The following QTMAN variants were observed in gnomAD, a reference collection of about 807,000 sequenced individuals.
The protein encoded by QTMAN is tRNA-queuosine alpha-mannosyltransferase.
At chr2:143,947,705 C>T in the QTMAN span, among the ~76,000 whole-genome samples, 68 of 152,138 alleles carry the variant, frequency 4.5e-4, no homozygotes, top group Non-Finnish European at 9.4e-4. Context: ...AAGAAGATCA[C>T]CTAGAATCAG....
the QTMAN span, among the ~76,000 whole-genome samples, chr2:144,122,717 C>T: frequency 6.6e-6 from 1 of 152,288 alleles, no homozygotes; most frequent in African/African-American, 2.4e-5. Context: ...GCTGTAAATA[C>T]TTTACTAAGT....
At chr2:144,170,920 A>G in the QTMAN span, among the ~76,000 whole-genome samples, 5 of 151,982 alleles carry the variant, frequency 3.3e-5, no homozygotes, top group South Asian at 1.0e-3. Context: ...ACTTTCCTTA[A>G]CTTCATCTGT....
chr2:144,262,967 G>T, the QTMAN span, among the ~76,000 whole-genome samples: 2 of 99,042 alleles, frequency 2.0e-5, no homozygotes, highest in African/African-American at 7.8e-5. Flanking sequence ...GGGAGGAGAG[G>T]GGAAGGGAGG....
At chr2:144,297,576 T>TC in the QTMAN span, among the ~76,000 whole-genome samples, 73 of 147,158 alleles carry the variant, frequency 5.0e-4, no homozygotes, top group Non-Finnish European at 9.8e-4. Flanking sequence ...CAGGATTCCG[T>TC]CTTTTTTTTT....
the QTMAN span, among the ~76,000 whole-genome samples, chr2:144,123,786 C>T: frequency 6.6e-6 from 1 of 152,026 alleles, no homozygotes; most frequent in East Asian, 1.9e-4. Context: ...TAAAAGCAAG[C>T]TTATGGTTTC....
chr2:144,192,223 C>T, the QTMAN span, among the ~76,000 whole-genome samples: 3 of 152,022 alleles, frequency 2.0e-5, no homozygotes, highest in Non-Finnish European at 4.4e-5. Flanking sequence ...TCTCCTGCCT[C>T]AGCCTCCCAA....
the QTMAN span, among the ~76,000 whole-genome samples, chr2:144,274,104 A>T: frequency 6.6e-6 from 1 of 152,218 alleles, no homozygotes; most frequent in Non-Finnish European, 1.5e-5. Flanking sequence ...ACTACACTCC[A>T]GCCTGGCAAC....
the QTMAN span, among the ~76,000 whole-genome samples, chr2:144,319,305 A>G: frequency 6.6e-6 from 1 of 152,144 alleles, no homozygotes; most frequent in Non-Finnish European, 1.5e-5. Context: ...CCAGGCAAAC[A>G]CTTCCACATG....
At chr2:143,970,842 C>A in the QTMAN span, 1 of 769,590 alleles carries the variant, frequency 1.3e-6, no homozygotes, top group South Asian at 1.5e-5. Context: ...CCTACAGTAT[C>A]AATTTTTTTC....
chr2:144,190,458 C>A, the QTMAN span, among the ~76,000 whole-genome samples: 1 of 152,194 alleles, frequency 6.6e-6, no homozygotes, highest in Non-Finnish European at 1.5e-5. Flanking sequence ...AGAAAAATAA[C>A]TGGCTGTCAC....
the QTMAN span, among the ~76,000 whole-genome samples, chr2:144,239,303 A>C: frequency 6.6e-6 from 1 of 152,250 alleles, no homozygotes; most frequent in African/African-American, 2.4e-5. Context: ...AATGCTACAA[A>C]ACAAGTGTAT....
the QTMAN span, among the ~76,000 whole-genome samples, chr2:144,326,234 A>C: frequency 6.6e-6 from 1 of 152,342 alleles, no homozygotes; most frequent in South Asian, 2.1e-4. Flanking sequence ...TTTCTTCTTA[A>C]TTAAATGTCC....
At chr2:144,176,596 CAA>C in the QTMAN span, among the ~76,000 whole-genome samples, 6 of 151,836 alleles carry the variant, frequency 4.0e-5, no homozygotes, top group African/African-American at 1.5e-4. Context: ...CACCATCATC[CAA>C]AAAAATCATT....
At chr2:144,259,436 G>A in the QTMAN span, among the ~76,000 whole-genome samples, 1 of 152,148 alleles carries the variant, frequency 6.6e-6, no homozygotes, top group Admixed American at 6.5e-5. Context: ...TGGGATTACA[G>A]GCATGAGCCA....
At chr2:144,263,385 G>A in the QTMAN span, among the ~76,000 whole-genome samples, 2 of 152,126 alleles carry the variant, frequency 1.3e-5, no homozygotes, top group African/African-American at 4.8e-5. Flanking sequence ...GTGTACCATA[G>A]TGCAAAGATG....
chr2:144,094,265 A>G, the QTMAN span, among the ~76,000 whole-genome samples: 1 of 152,236 alleles, frequency 6.6e-6, no homozygotes, highest in Admixed American at 6.5e-5. Flanking sequence ...TAAACATTAC[A>G]AATTCAGTTA....
At chr2:143,988,530 C>T in the QTMAN span, among the ~76,000 whole-genome samples, 3 of 152,226 alleles carry the variant, frequency 2.0e-5, no homozygotes, top group Admixed American at 6.5e-5. Context: ...TGATATGAAT[C>T]AGGAACTGCT....
chr2:144,018,237 A>T, the QTMAN span, among the ~76,000 whole-genome samples: 1 of 152,164 alleles, frequency 6.6e-6, no homozygotes, highest in Non-Finnish European at 1.5e-5. Context: ...TGGACATAAA[A>T]AATCTAGTCT....
chr2:143,963,414 T>C, the QTMAN span, among the ~76,000 whole-genome samples: 1 of 152,076 alleles, frequency 6.6e-6, no homozygotes, highest in Non-Finnish European at 1.5e-5. Flanking sequence ...TAAATTGTGT[T>C]ATCATAAGTT....
Sources: allele counts gnomAD v4.1 joint callset (sites outside exome capture counted in the v4.1 genomes callset), GRCh38; gene constraint gnomAD v4.1.1; transcripts MANE v1.5; gene names NCBI Gene and HGNC (gene_info 2026-07-23, HGNC 2026-07-21).